Variants in PRPF18 observed in about 807,000 individuals in gnomAD.
The protein encoded by PRPF18 is pre-mRNA-splicing factor 18.
PRPF18 carries 38 observed loss-of-function variants against 46.5 expected under a neutral mutation model. That is an observed-to-expected ratio of 0.82 (90% CI 0.63 to 1.07). The LOEUF is 1.07. Ranked by LOEUF, PRPF18 falls within the 50% of genes least tolerant of loss-of-function variation. PRPF18 has a pLI of 0.00. For synonymous variants in PRPF18, 152 were observed against 146.7 expected (o/e 1.04, Z -0.26); for missense variants, 263 against 410.0 (o/e 0.64, Z 3.10).
intron 7 of PRPF18, 47 bp downstream of exon 7, chr10:13,613,928 A>C: frequency 6.3e-7 from 1 of 1,583,936 alleles, no homozygotes; most frequent in Non-Finnish European, 8.6e-7. Flanking sequence ...TTAAAAATAC[A>C]GTATAAATTT....
chr10:13,591,910 C>T (rs2079968100), intron 1 of PRPF18: 1 of 1,405,012 alleles, frequency 7.1e-7, no homozygotes, highest in Non-Finnish European at 9.6e-7. Flanking sequence ...TCGCAGTTTT[C>T]TCACGTGTCA....
At chr10:13,597,584 T>G (rs895709867) in intron 2 of PRPF18, 49 bp downstream of exon 2, 1 of 1,598,600 alleles carries the variant, frequency 6.3e-7, no homozygotes, top group East Asian at 2.2e-5. Flanking sequence ...GAGTTTAAAT[T>G]TATACAGCTG....
chr10:13,645,729 G>C, the PRPF18 span: 1 of 152,662 alleles, frequency 6.6e-6, no homozygotes, highest in Non-Finnish European at 1.5e-5. Flanking sequence ...TAAGGGCATA[G>C]TTGGGTTCTT....
intron 9 of PRPF18, among the ~76,000 whole-genome samples, chr10:13,621,582 A>C (rs1225694890): frequency 6.6e-6 from 1 of 152,106 alleles, no homozygotes; most frequent in Non-Finnish European, 1.5e-5. Context: ...GTTGGTCCTA[A>C]GTCCAGCCCA....
chr10:13,587,023 G>A lies in PRPF18; in HGVS notation c.-64G>A. 1 of 1,545,340 alleles carries A rather than the reference G, an allele frequency of 6.5e-7. No individual in the cohort carries two copies. Among genetic ancestry groups the A allele is most frequent in the Non-Finnish European group, 8.9e-7 (1 of 1,117,442 alleles). On this transcript the variant is annotated 5_prime_UTR_variant, in exon 1 of 10. Coordinates refer to ENST00000378572, the MANE Select transcript of PRPF18 (RefSeq NM_003675.4). The stretch of plus-strand genomic sequence containing the variant: ...TATACTCAGTGGGTTCGCGGCCGCC[G>A]GCCCAGTGAGGCTGGGTTCGAGGAG...
rs139697501 is a variant in PRPF18, at chr10:13,610,241, C to G, written c.510+56C>G. 8.2e-4 allele frequency: 1,281 copies of G among 1,558,728 alleles called. 22 individuals carry two copies. The South Asian group carries it at 0.013, about 16-fold the overall frequency. On this transcript the variant is annotated intron_variant, in intron 5 of 9. Transcript: ENST00000378572. ...TGGCACCCTTCTTTTTCCTCTGGAG[C>G]AGATGACTGAGTCGGGCAGATTGTT...
intron 9 of PRPF18, among the ~76,000 whole-genome samples, chr10:13,627,238 T>A (rs534552760): frequency 2.0e-4 from 30 of 151,938 alleles, no homozygotes; most frequent in Admixed American, 3.9e-4. Flanking sequence ...TCGTTGAAAA[T>A]TTTTTTTTAT....
chr10:13,614,521 T>C (rs533984668), intron 8 of PRPF18, among the ~76,000 whole-genome samples: 65 of 152,226 alleles, frequency 4.3e-4, no homozygotes, highest in Non-Finnish European at 8.2e-4. Flanking sequence ...GCACTGATGG[T>C]ACAGTGGAAT....
At chr10:13,611,385 C>T (rs1185477088) in intron 5 of PRPF18, among the ~76,000 whole-genome samples, 2 of 152,180 alleles carry the variant, frequency 1.3e-5, no homozygotes, top group Non-Finnish European at 2.9e-5. Flanking sequence ...AGAAATCTCA[C>T]ATTCATTACC....
intron 9 of PRPF18, among the ~76,000 whole-genome samples, chr10:13,624,869 C>T (rs1414055371): frequency 6.6e-6 from 1 of 152,170 alleles, no homozygotes; most frequent in African/African-American, 2.4e-5. Flanking sequence ...GGAGTTTTTC[C>T]ATTCAGCTCT....
intron 9 of PRPF18, among the ~76,000 whole-genome samples, chr10:13,617,601 A>G (rs1266005280): frequency 1.3e-5 from 2 of 152,196 alleles, no homozygotes; most frequent in Admixed American, 6.5e-5. Flanking sequence ...CAAAGATTAA[A>G]TTTGCTAATT....
chr10:13,621,923 G>C (rs2080425684), intron 9 of PRPF18, among the ~76,000 whole-genome samples: 1 of 152,124 alleles, frequency 6.6e-6, no homozygotes, highest in African/African-American at 2.4e-5. Flanking sequence ...GCTAGCATTT[G>C]CCAAATTTAT....
At chr10:13,638,299 CTTTTTTTTTTTT>C in the PRPF18 span, among the ~76,000 whole-genome samples, 2 of 125,040 alleles carry the variant, frequency 1.6e-5, no homozygotes. Flanking sequence ...CTTGGCTTTT[CTTTTTTTTTTTT>C]TTTTTTTATG....
At chr10:13,653,939 G>GCTTCC in the PRPF18 span, 1 of 189,634 alleles carries the variant, frequency 5.3e-6, no homozygotes, top group African/African-American at 2.8e-5. Flanking sequence ...TGTGTGTTGA[G>GCTTCC]AAAGAGCAAG....
downstream of PRPF18, among the ~76,000 whole-genome samples, chr10:13,634,004 A>C (rs1422749267): frequency 6.6e-6 from 1 of 152,202 alleles, no homozygotes; most frequent in Non-Finnish European, 1.5e-5. Context: ...GTTAACAGTA[A>C]CTTTAAAATC....
rs1293359123 is a variant in PRPF18, at chr10:13,622,113, G to T, written c.948+5560G>T. Among the ~76,000 whole-genome samples, 3 of 152,300 alleles carry T rather than the reference G, an allele frequency of 2.0e-5. No individual in the cohort carries two copies. The East Asian group carries it at 5.8e-4, about 29-fold the overall frequency. ...GCTCTAATGTATGTCACACACTTGT[G>T]GGTTGAGTGGCTTCATGCCACAGCC... On this transcript the variant is annotated intron_variant, in intron 9 of 9. Transcript: ENST00000378572.
chr10:13,655,116 G>C, the PRPF18 span: 1 of 152,500 alleles, frequency 6.6e-6, no homozygotes, highest in African/African-American at 2.4e-5. Context: ...ACTGATGTAG[G>C]CAGCATGGAA....
chr10:13,611,159 A>G (rs2080262872), intron 5 of PRPF18, among the ~76,000 whole-genome samples: 1 of 150,118 alleles, frequency 6.7e-6, no homozygotes, highest in Non-Finnish European at 1.5e-5. Flanking sequence ...TTTTACTAAA[A>G]TAATTGGTAT....
At position 13,589,882 on chromosome 10, in the gene PRPF18, A is replaced by G. The variant is rs569811420; in HGVS notation, c.66+2730A>G. ...TAGGTATGGGGAAAAGCTTGTTCAT[A>G]TTTGTAAATGTTTTTATGTCTACTG... On this transcript the variant is annotated intron_variant, in intron 1 of 9. Transcript: ENST00000378572. Among the ~76,000 whole-genome samples, 190 of 152,248 alleles carry G rather than the reference A, an allele frequency of 1.2e-3. 1 individual carries two copies. Among genetic ancestry groups the G allele is most frequent in the African/African-American group, 4.5e-3 (188 of 41,562 alleles).
Sources: allele counts gnomAD v4.1 joint callset (sites outside exome capture counted in the v4.1 genomes callset), GRCh38; gene constraint gnomAD v4.1.1; transcripts MANE v1.5; gene names NCBI Gene and HGNC (gene_info 2026-07-23, HGNC 2026-07-21).